The following ADRA1A variants were observed in gnomAD, a reference collection of about 807,000 sequenced individuals.
The protein encoded by ADRA1A is adrenoceptor alpha 1A.
In ADRA1A, 31 loss-of-function variants were observed where a neutral mutation model predicts 29.6. The ratio of observed to expected loss-of-function variants is 1.05; its 90% CI spans 0.79 to 1.41. The LOEUF is 1.41. Ranked by LOEUF, ADRA1A falls within the 40% of genes most tolerant of loss-of-function variation. The pLI, the probability that ADRA1A is intolerant of heterozygous loss-of-function variation, is 0.00. For missense variants in ADRA1A, 619 were observed against 601.1 expected (o/e 1.03, Z -0.31); for synonymous variants, 311 against 254.3 (o/e 1.22, Z -2.12).
At chr8:26,804,061 G>A (rs555180507) in intron 2 of ADRA1A, among the ~76,000 whole-genome samples, 19 of 151,338 alleles carry the variant, frequency 1.3e-4, no homozygotes, top group Admixed American at 9.3e-4. Flanking sequence ...AGCTGAGGCC[G>A]CAGGTGTGTG....
At chr8:26,757,589 G>A (rs1325031647) in intron 2 of ADRA1A, among the ~76,000 whole-genome samples, 1 of 151,738 alleles carries the variant, frequency 6.6e-6, no homozygotes, top group African/African-American at 2.4e-5. Flanking sequence ...TGTAGCATGA[G>A]GTGTGACCTT....
chr8:26,748,330 G>T (rs546240661), exon 3 of ADRA1A: 1 of 171,160 alleles, frequency 5.8e-6, no homozygotes, highest in Non-Finnish European at 1.2e-5. Context: ...AGTGGTTGGG[G>T]TCTTACCCCA....
exon 3 of ADRA1A, chr8:26,756,478 C>A: frequency 6.7e-7 from 1 of 1,489,026 alleles, no homozygotes; most frequent in Admixed American, 2.1e-5. Flanking sequence ...AACTGATTTA[C>A]AAAAAATCGA....
At chr8:26,811,591 T>C (rs1308230083) in intron 2 of ADRA1A, among the ~76,000 whole-genome samples, 1 of 152,210 alleles carries the variant, frequency 6.6e-6, no homozygotes, top group African/African-American at 2.4e-5. Flanking sequence ...CAGAAAACCT[T>C]TCTCAACTGA....
intron 2 of ADRA1A, among the ~76,000 whole-genome samples, chr8:26,834,853 G>A (rs1381341851): frequency 6.6e-6 from 1 of 152,152 alleles, no homozygotes; most frequent in African/African-American, 2.4e-5. Flanking sequence ...AAAACATACA[G>A]ACTTCTATTT....
At chr8:26,820,399 C>A (rs1810073786) in intron 2 of ADRA1A, among the ~76,000 whole-genome samples, 1 of 152,088 alleles carries the variant, frequency 6.6e-6, no homozygotes, top group Non-Finnish European at 1.5e-5. Flanking sequence ...CATTTTTTGA[C>A]CACAATTATT....
At chr8:26,782,670 C>A (rs1807081939) in intron 2 of ADRA1A, among the ~76,000 whole-genome samples, 1 of 152,150 alleles carries the variant, frequency 6.6e-6, no homozygotes. Context: ...CAGGGCAGCT[C>A]ATTCATTTCA....
chr8:26,811,118 G>A (rs891010560), intron 2 of ADRA1A, among the ~76,000 whole-genome samples: 2 of 152,104 alleles, frequency 1.3e-5, no homozygotes, highest in Non-Finnish European at 2.9e-5. Context: ...ATTTTTGTGT[G>A]AGGCCCTAGG....
At chr8:26,812,446 G>A (rs1050645200) in intron 2 of ADRA1A, among the ~76,000 whole-genome samples, 1 of 151,906 alleles carries the variant, frequency 6.6e-6, no homozygotes, top group African/African-American at 2.4e-5. Flanking sequence ...CTTTCTTAAG[G>A]ATATATGCTT....
At chr8:26,811,795 C>G (rs1423913037) in intron 2 of ADRA1A, among the ~76,000 whole-genome samples, 1 of 152,224 alleles carries the variant, frequency 6.6e-6, no homozygotes, top group African/African-American at 2.4e-5. Flanking sequence ...TTAGTTCGAT[C>G]TGCTTTTGAA....
At chr8:26,800,443 A>G (rs941013271) in intron 2 of ADRA1A, among the ~76,000 whole-genome samples, 1 of 152,152 alleles carries the variant, frequency 6.6e-6, no homozygotes, top group African/African-American at 2.4e-5. Flanking sequence ...AAGTCTTTTC[A>G]ACAAATGGTG....
Position 26,864,336 on chromosome 8 carries a change from T to C in ADRA1A, c.634A>G (p.Lys212Glu). ...VMYCRVYVVA[K>E]RESRGLKSGL... ...GACTTGAGGCCCCGGCTCTCCCTCTTGGCCACCACGTAGACGCGGCAGTAC... is the reference window on the plus strand; with the variant it reads ...GACTTGAGGCCCCGGCTCTCCCTCTCGGCCACCACGTAGACGCGGCAGTAC... The change falls in exon 2 of 3, where the codon AAG becomes GAG. Residue 212 changes from lysine to glutamate, a missense_variant. Physicochemically the swap from Lys to Glu is moderately conservative, Grantham distance 56. Coordinates refer to ENST00000380573, the MANE Select transcript of ADRA1A (RefSeq NM_000680.4). The surrounding 1 kb of genome is among the most constrained non-coding windows in gnomAD (Gnocchi z 8.1). 1 of 1,614,102 alleles carries C rather than the reference T, an allele frequency of 6.2e-7. No individual in the cohort carries two copies. Among genetic ancestry groups the C allele is most frequent in the Non-Finnish European group, 8.5e-7 (1 of 1,180,014 alleles).
In ADRA1A at chr8:26,823,449, C is replaced by T. The variant is rs1454606720; in HGVS notation, c.883+40638G>A. On this transcript the variant is annotated intron_variant, in intron 2 of 2. Transcript: ENST00000380573. The surrounding 1 kb of genome is among the most constrained non-coding windows in gnomAD (Gnocchi z 4.2). ...TCTCTGATACCTTCTAAAATGTTAG[C>T]TAGAGAAAGCAGAGGTGTTTCATTG... Among the ~76,000 whole-genome samples, 1 of 152,148 alleles carries T rather than the reference C, an allele frequency of 6.6e-6. No homozygotes were observed. The highest frequency in any genetic ancestry group is 1.5e-5 in the Non-Finnish European group (1 of 68,028).
At chr8:26,786,282 TG>T (rs2130387955) in intron 2 of ADRA1A, among the ~76,000 whole-genome samples, 1 of 152,122 alleles carries the variant, frequency 6.6e-6, no homozygotes, top group African/African-American at 2.4e-5. Flanking sequence ...TCACCCAGGC[TG>T]GAGTGTAGTG....
intron 2 of ADRA1A, chr8:26,854,423 C>CGGGGGGGGG (rs1220019339): frequency 3.7e-5 from 1 of 26,804 alleles, no homozygotes; most frequent in African/African-American, 1.4e-4. Flanking sequence ...TAAAGCGGGG[C>CGGGGGGGGG]GGGGGGGGGG....
chr8:26,836,970 G>A (rs1811417503), intron 2 of ADRA1A, among the ~76,000 whole-genome samples: 1 of 152,094 alleles, frequency 6.6e-6, no homozygotes, highest in Non-Finnish European at 1.5e-5. Context: ...TAGTACAGGG[G>A]AAAGCCCTTG....
At chr8:26,779,952 A>G (rs1806835484) in intron 2 of ADRA1A, among the ~76,000 whole-genome samples, 1 of 152,190 alleles carries the variant, frequency 6.6e-6, no homozygotes, top group South Asian at 2.1e-4. Flanking sequence ...GGAAGAAACC[A>G]TGGGGGAAAA....
chr8:26,829,442 C>A (rs1400374444), intron 2 of ADRA1A, among the ~76,000 whole-genome samples: 1 of 152,080 alleles, frequency 6.6e-6, no homozygotes, highest in African/African-American at 2.4e-5. Context: ...GCAAAGATCC[C>A]AATCCATCTC....
At chr8:26,749,451 GT>G (rs61759700) in intron 2 of ADRA1A, among the ~76,000 whole-genome samples, 6,949 of 152,266 alleles carry the variant, frequency 0.046, 218 homozygotes, top group Non-Finnish European at 0.066. Context: ...TAAGCCTTAT[GT>G]TTTTCTGTTT....
Sources: allele counts gnomAD v4.1 joint callset (sites outside exome capture counted in the v4.1 genomes callset), GRCh38; gene constraint gnomAD v4.1.1; non-coding constraint Gnocchi (gnomAD v3.1); transcripts MANE v1.5; gene names NCBI Gene and HGNC (gene_info 2026-07-23, HGNC 2026-07-21).